The following CELF2 variants were observed in gnomAD, a reference collection of about 807,000 sequenced individuals.
The protein encoded by CELF2 is CUG triplet repeat RNA-binding protein 2.
In CELF2, 8 loss-of-function variants were observed where a neutral mutation model predicts 62.6. That is an observed-to-expected ratio of 0.13 (90% CI 0.07 to 0.23). The LOEUF (loss-of-function observed/expected upper bound fraction) is 0.23, where lower values mean the gene tolerates loss of function less well. Ranked by LOEUF, CELF2 falls within the 10% of genes least tolerant of loss-of-function variation. The pLI, the probability that CELF2 is intolerant of heterozygous loss-of-function variation, is 1.00. For synonymous variants in CELF2, 258 were observed against 250.0 expected, an observed-to-expected ratio of 1.03 and a Z score of -0.30; for missense variants, 333 against 671.0, an observed-to-expected ratio of 0.50 and a Z score of 5.56.
chr10:11,217,298 T>A lies in CELF2; in HGVS notation c.272-127T>A. ...ATGCTTGAGATGTTGTTATTGCTGTTCTCATATGCTTTATTATTTTTAAAT... is the reference window on the plus strand; with the variant it reads ...ATGCTTGAGATGTTGTTATTGCTGTACTCATATGCTTTATTATTTTTAAAT... On this transcript the variant is annotated intron_variant, in intron 2 of 12. Coordinates refer to ENST00000633077, the MANE Select transcript of CELF2 (RefSeq NM_001326342.2). The surrounding 1 kb of genome is among the most constrained non-coding windows in gnomAD (Gnocchi z 5.6). 1 of 588,508 alleles carries A rather than the reference T, an allele frequency of 1.7e-6. No homozygotes were observed. The highest frequency in any genetic ancestry group is 3.0e-6 in the Non-Finnish European group (1 of 330,962). The allele number at this position is 588,508 out of a possible 1,614,324, so 36.5% of individuals were successfully genotyped here.
chr10:10,745,674 G>C, the CELF2 span, among the ~76,000 whole-genome samples: 2 of 152,166 alleles, frequency 1.3e-5, no homozygotes, highest in Non-Finnish European at 2.9e-5. Context: ...CTGCCTCCCT[G>C]GTGATGGATT....
At chr10:10,832,273 AAAAAAT>A (rs1554847839) in intron 1 of CELF2, among the ~76,000 whole-genome samples, 152 of 151,052 alleles carry the variant, frequency 1.0e-3, no homozygotes, top group Non-Finnish European at 1.5e-3. Context: ...ATCTAAAAAA[AAAAAAT>A]AAAAATAAAT....
the CELF2 span, among the ~76,000 whole-genome samples, chr10:10,711,908 G>A: frequency 6.6e-6 from 1 of 151,890 alleles, no homozygotes; most frequent in African/African-American, 2.4e-5. Context: ...CAAATAGAGA[G>A]GGTAAAAAGT....
intron 3 of CELF2, among the ~76,000 whole-genome samples, chr10:11,234,187 T>A (rs1223806513): frequency 6.6e-6 from 1 of 152,206 alleles, no homozygotes; most frequent in Admixed American, 6.5e-5. Context: ...GTTCAATTTA[T>A]CCTGTCACCT....
the CELF2 span, among the ~76,000 whole-genome samples, chr10:10,563,305 C>T: frequency 3.3e-5 from 5 of 152,052 alleles, no homozygotes. Flanking sequence ...TCTTTTCCTA[C>T]TTACGAAGGA....
the CELF2 span, among the ~76,000 whole-genome samples, chr10:10,669,851 T>C: frequency 6.6e-6 from 1 of 152,008 alleles, no homozygotes; most frequent in African/African-American, 2.4e-5. Context: ...TTGCTTTTTG[T>C]GTTTGATTGC....
intron 1 of CELF2, among the ~76,000 whole-genome samples, chr10:11,132,951 A>T (rs528172706): frequency 1.3e-5 from 2 of 152,324 alleles, no homozygotes; most frequent in African/African-American, 4.8e-5. Context: ...GGTGATCTGT[A>T]TCAGAAGCTA....
At chr10:11,017,013 A>C (rs2057345814), upstream of CELF2, among the ~76,000 whole-genome samples, 2 of 152,240 alleles carry the variant, frequency 1.3e-5, no homozygotes, top group African/African-American at 4.8e-5. The surrounding 1 kb of genome is among the most constrained non-coding windows in gnomAD (Gnocchi z 5.5). Context: ...CCACCCACAT[A>C]ATCAACAGTG....
At chr10:10,465,266 G>C in the CELF2 span, among the ~76,000 whole-genome samples, 1 of 151,956 alleles carries the variant, frequency 6.6e-6, no homozygotes, top group Admixed American at 6.6e-5. Flanking sequence ...CAGGAAACAA[G>C]AAAAACGAAA....
At chr10:11,250,347 T>TA (rs893697133) in intron 4 of CELF2, among the ~76,000 whole-genome samples, 5 of 152,198 alleles carry the variant, frequency 3.3e-5, no homozygotes, top group African/African-American at 7.2e-5. Flanking sequence ...ATAAAGAAAA[T>TA]AAAAAAATAG....
intron 4 of CELF2, among the ~76,000 whole-genome samples, chr10:11,249,466 C>T (rs900104645): frequency 2.0e-5 from 3 of 152,110 alleles, no homozygotes; most frequent in Admixed American, 6.5e-5. Flanking sequence ...TTGGGACTTG[C>T]CCTGTATAGG....
chr10:11,312,120 A>G (rs1275507030), intron 9 of CELF2, among the ~76,000 whole-genome samples: 1 of 152,212 alleles, frequency 6.6e-6, no homozygotes, highest in Non-Finnish European at 1.5e-5. Context: ...AATAATGGAA[A>G]TCAGAAGGCC....
In CELF2 at chr10:11,156,572, G is replaced by A. The variant is rs572949117; in HGVS notation, c.75-8914G>A. On this transcript the variant is annotated intron_variant, in intron 1 of 12. Coordinates refer to ENST00000633077, the MANE Select transcript of CELF2 (RefSeq NM_001326342.2). This position sits in a 1 kb window ranked among gnomAD's most constrained non-coding sequence, Gnocchi z 4.3. ...CATGCCCACTCTAGAATATAACTCC[G>A]TGAAGACTGTTTTACCCCCACTTTA... Among the ~76,000 whole-genome samples, 51 of 152,126 alleles carry A rather than the reference G, an allele frequency of 3.4e-4. No individual in the cohort carries two copies. The highest frequency in any genetic ancestry group is 8.3e-4 in the South Asian group (4 of 4,822).
chr10:11,203,344 TC>T (rs1387047238), intron 2 of CELF2, among the ~76,000 whole-genome samples: 1 of 152,208 alleles, frequency 6.6e-6, no homozygotes, highest in East Asian at 1.9e-4. Context: ...TAAATCCTCT[TC>T]CTACCTGCTA....
chr10:11,165,778 T>TA lies in CELF2; in HGVS notation c.271+97dup. 1 of 1,199,606 alleles carries TA rather than the reference T, an allele frequency of 8.3e-7. No homozygotes were observed. Among genetic ancestry groups the TA allele is most frequent in the Non-Finnish European group, 1.1e-6 (1 of 872,294 alleles). 74.3% of individuals were successfully genotyped at this position (1,199,606 alleles called of 1,614,324 possible). A position where few individuals can be genotyped will look rare whatever the true frequency, so the allele number is the denominator to read the frequency against. On this transcript the variant is annotated intron_variant, in intron 2 of 12. Coordinates refer to ENST00000633077, the MANE Select transcript of CELF2 (RefSeq NM_001326342.2). The surrounding 1 kb of genome is among the most constrained non-coding windows in gnomAD (Gnocchi z 7.4). Reference sequence around the variant, plus strand: ...CCCAGCCTGCAGGAGGAAGGGCGGGTAGGCAGGAGGGCTGGAAGCAGCCGG... The same window carrying TA: ...CCCAGCCTGCAGGAGGAAGGGCGGGTAAGGCAGGAGGGCTGGAAGCAGCCGG...
At chr10:10,567,067 A>G in the CELF2 span, among the ~76,000 whole-genome samples, 1,200 of 152,328 alleles carry the variant, frequency 7.9e-3, 5 homozygotes, top group Non-Finnish European at 0.012. Flanking sequence ...AGAAAAGGAC[A>G]GTGTTCATTT....
chr10:11,097,921 A>G lies in CELF2; in HGVS notation c.75-67565A>G, dbSNP rs1005216635. On this transcript the variant is annotated intron_variant, in intron 1 of 12. Coordinates refer to ENST00000633077, the MANE Select transcript of CELF2 (RefSeq NM_001326342.2). Reference sequence around the variant, plus strand: ...CTTCTGGGGTTTAACCCATGCGGCCACTGACCACATGACACCTCATGCATG... The same window carrying G: ...CTTCTGGGGTTTAACCCATGCGGCCGCTGACCACATGACACCTCATGCATG... Among the ~76,000 whole-genome samples the G allele has an allele frequency of 3.9e-5, 6 of 152,312 alleles. No homozygotes were observed. In the South Asian group the frequency reaches 1.0e-3, roughly 26 times the overall value.
In CELF2 at chr10:11,098,607, A is replaced by G. The variant is rs1357544591; in HGVS notation, c.75-66879A>G. ...ATTCCTTTAGAAAGGCACAGTGAGCACGCTCATTTTTTTTCCATTTTAGAC... is the reference window on the plus strand; with the variant it reads ...ATTCCTTTAGAAAGGCACAGTGAGCGCGCTCATTTTTTTTCCATTTTAGAC... On this transcript the variant is annotated intron_variant, in intron 1 of 12. Transcript: ENST00000633077. This position sits in a 1 kb window ranked among gnomAD's most constrained non-coding sequence, Gnocchi z 4.0. 3 of 152,260 alleles carry G rather than the reference A, an allele frequency of 2.0e-5. No homozygotes were observed. Among genetic ancestry groups the G allele is most frequent in the African/African-American group, 4.8e-5 (2 of 41,476 alleles). 9.4% of individuals were successfully genotyped at this position (152,260 alleles called of 1,614,324 possible).
intron 1 of CELF2, among the ~76,000 whole-genome samples, chr10:10,869,887 G>A (rs1358655786): frequency 2.0e-5 from 3 of 152,130 alleles, no homozygotes; most frequent in African/African-American, 7.2e-5. Flanking sequence ...AGGCTGAGAG[G>A]ATTGCTTGAG....
Sources: gnomAD v4.1 joint callset for allele counts (sites outside exome capture counted in the v4.1 genomes callset) on GRCh38, gnomAD v4.1.1 for gene constraint, Gnocchi (gnomAD v3.1) non-coding constraint, MANE v1.5 for transcripts, NCBI Gene and HGNC (gene_info 2026-07-23, HGNC 2026-07-21) for gene names.